Variants in ELP4 observed in about 807,000 individuals in gnomAD.
ELP4 encodes the protein elongator complex protein 4.
A neutral mutation model predicts 48.9 loss-of-function variants in ELP4; 51 were observed. That is an observed-to-expected ratio of 1.04 (90% CI 0.83 to 1.32). ELP4 has a LOEUF of 1.32. Among genes scored for constraint, ELP4 ranks in the 40% most tolerant of loss-of-function variants. ELP4 has a pLI of 0.00. For missense variants in ELP4, 519 were observed against 514.6 expected (o/e 1.01, Z -0.08); for synonymous variants, 210 against 189.2 (o/e 1.11, Z -0.90).
chr11:31,660,169 T>G (rs1052257405), intron 9 of ELP4, among the ~76,000 whole-genome samples: 1 of 152,182 alleles, frequency 6.6e-6, no homozygotes, highest in Non-Finnish European at 1.5e-5. Context: ...AAGGCATTAT[T>G]ATAGTGTAGA....
At chr11:31,758,024 T>G (rs1412704286) in intron 9 of ELP4, among the ~76,000 whole-genome samples, 1 of 152,214 alleles carries the variant, frequency 6.6e-6, no homozygotes, top group African/African-American at 2.4e-5. Context: ...TTATCTATTT[T>G]TCCTCCCTGA....
chr11:31,595,207 A>G (rs1406570966), intron 4 of ELP4, among the ~76,000 whole-genome samples: 1 of 152,174 alleles, frequency 6.6e-6, no homozygotes, highest in African/African-American at 2.4e-5. Context: ...ATAAATATTC[A>G]ATGTAAGTGA....
intron 9 of ELP4, among the ~76,000 whole-genome samples, chr11:31,759,179 C>T (rs1020444735): frequency 6.6e-6 from 1 of 152,174 alleles, no homozygotes; most frequent in Non-Finnish European, 1.5e-5. Context: ...GGTGTACCCA[C>T]ATAATGCGTT....
intron 2 of ELP4, among the ~76,000 whole-genome samples, chr11:31,525,424 G>A (rs1035597216): frequency 1.1e-4 from 16 of 152,062 alleles, no homozygotes; most frequent in African/African-American, 3.6e-4. Context: ...GAATAACCAT[G>A]AACAGTACAT....
At chr11:31,530,127 C>T (rs756731172) in intron 2 of ELP4, among the ~76,000 whole-genome samples, 1 of 152,138 alleles carries the variant, frequency 6.6e-6, no homozygotes, top group East Asian at 1.9e-4. Context: ...CACTTAACAC[C>T]GCCTTACTAA....
intron 9 of ELP4, among the ~76,000 whole-genome samples, chr11:31,717,702 C>T (rs1212067311): frequency 6.6e-5 from 10 of 150,672 alleles, no homozygotes; most frequent in Non-Finnish European, 1.2e-4. Flanking sequence ...TGCAATGAGC[C>T]GAGATTGCGC....
chr11:31,544,517 A>C (rs1000149873), intron 3 of ELP4, among the ~76,000 whole-genome samples: 7 of 152,186 alleles, frequency 4.6e-5, no homozygotes, highest in Admixed American at 6.5e-5. Flanking sequence ...CTGGGTGGAG[A>C]CCACCACAGC....
At chr11:31,739,443 A>C (rs1341510334) in intron 9 of ELP4, among the ~76,000 whole-genome samples, 1 of 152,172 alleles carries the variant, frequency 6.6e-6, no homozygotes, top group Non-Finnish European at 1.5e-5. Flanking sequence ...TTCCCATGGT[A>C]GACACGCTAT....
chr11:31,787,044 T>A lies in ELP4; in HGVS notation c.*3520T>A, dbSNP rs111506276. On this transcript the variant is annotated 3_prime_UTR_variant, in exon 10 of 10. Transcript: ENST00000640961. Reference sequence around the variant, plus strand: ...TTAAATAAATAATAAACAAAAATTATTTCAACAATGAGTAAAAGGCCAACT... The same window carrying A: ...TTAAATAAATAATAAACAAAAATTAATTCAACAATGAGTAAAAGGCCAACT... The A allele has an allele frequency of 5.3e-4, 83 of 158,028 alleles. No homozygotes were observed. The highest frequency in any genetic ancestry group is 2.8e-3 in the African/African-American group (76 of 27,296). The allele number at this position is 158,028 out of a possible 1,614,324, so 9.8% of individuals were successfully genotyped here. A position where few individuals can be genotyped will look rare whatever the true frequency, so the allele number is the denominator to read the frequency against.
chr11:31,704,882 G>A (rs542650120), intron 9 of ELP4, among the ~76,000 whole-genome samples: 55 of 151,674 alleles, frequency 3.6e-4, no homozygotes, highest in African/African-American at 8.7e-4. Context: ...ATGGTGGTGC[G>A]CGCCTATAGT....
chr11:31,734,872 T>C (rs1352359304), intron 9 of ELP4, among the ~76,000 whole-genome samples: 1 of 152,086 alleles, frequency 6.6e-6, no homozygotes, highest in Non-Finnish European at 1.5e-5. Context: ...AAAATTCATA[T>C]GGAATAACAA....
At chr11:31,782,215 C>T (rs1227162117) in intron 9 of ELP4, among the ~76,000 whole-genome samples, 1 of 152,114 alleles carries the variant, frequency 6.6e-6, no homozygotes, top group African/African-American at 2.4e-5. Flanking sequence ...GTTTACATGA[C>T]AATAAAAAGC....
intron 9 of ELP4, among the ~76,000 whole-genome samples, chr11:31,750,211 C>T (rs1344778546): frequency 6.6e-6 from 1 of 152,016 alleles, no homozygotes; most frequent in Non-Finnish European, 1.5e-5. Flanking sequence ...ATATGGTTTG[C>T]TTGGTAGTTA....
intron 9 of ELP4, among the ~76,000 whole-genome samples, chr11:31,724,753 G>T (rs1282692852): frequency 6.6e-6 from 1 of 152,206 alleles, no homozygotes; most frequent in Non-Finnish European, 1.5e-5. Context: ...TAAACAGTTT[G>T]ATTTGTTCTT....
chr11:31,569,457 A>G (rs989027645), intron 3 of ELP4, among the ~76,000 whole-genome samples: 3 of 152,200 alleles, frequency 2.0e-5, no homozygotes, highest in African/African-American at 7.2e-5. Flanking sequence ...TCTCAAAAGA[A>G]CACATACAAG....
chr11:31,760,337 A>G (rs1300565569), intron 9 of ELP4, among the ~76,000 whole-genome samples: 1 of 152,136 alleles, frequency 6.6e-6, no homozygotes, highest in Non-Finnish European at 1.5e-5. Flanking sequence ...AAAAACTCCT[A>G]TTTCTTCTTT....
intron 3 of ELP4, chr11:31,580,879 G>T (rs1957379046): frequency 6.6e-6 from 1 of 152,082 alleles, no homozygotes; most frequent in Non-Finnish European, 1.5e-5. Context: ...GCCAAGGCTG[G>T]TCTATCACTT....
intron 1 of ELP4, among the ~76,000 whole-genome samples, chr11:31,519,742 T>C (rs911907952): frequency 6.6e-6 from 1 of 152,038 alleles, no homozygotes; most frequent in African/African-American, 2.4e-5. Context: ...GGAGAATTGC[T>C]TGAACCCAGG....
chr11:31,522,582 T>C (rs1231783115), intron 2 of ELP4, among the ~76,000 whole-genome samples: 1 of 152,204 alleles, frequency 6.6e-6, no homozygotes, highest in Admixed American at 6.5e-5. Context: ...TCTTTTTCTA[T>C]TACTAACAAT....
Sources: allele counts gnomAD v4.1 joint callset (sites outside exome capture counted in the v4.1 genomes callset), GRCh38; gene constraint gnomAD v4.1.1; transcripts MANE v1.5; gene names NCBI Gene and HGNC (gene_info 2026-07-23, HGNC 2026-07-21).